Variants in ZNF334 observed in about 807,000 individuals in gnomAD.
The protein encoded by ZNF334 is zinc finger protein 334.
In ZNF334, 14 loss-of-function variants were observed where a neutral mutation model predicts 12.4. The ratio of observed to expected loss-of-function variants is 1.13; its 90% CI spans 0.74 to 1.76. The LOEUF is 1.76. ZNF334 is among the 40% of genes most tolerant of loss of function. The pLI is 0.00. For synonymous variants in ZNF334, 273 were observed against 269.6 expected, an observed-to-expected ratio of 1.01 and a Z score of -0.12; for missense variants, 797 against 804.5, an observed-to-expected ratio of 0.99 and a Z score of 0.11.
At chr20:46,470,665 T>C in the ZNF334 span, among the ~76,000 whole-genome samples, 1 of 152,336 alleles carries the variant, frequency 6.6e-6, no homozygotes, top group Non-Finnish European at 1.5e-5. Context: ...AAACACTCCA[T>C]TTTACGCATC....
At chr20:46,497,394 C>T (rs1304384451), downstream of ZNF334, among the ~76,000 whole-genome samples, 5 of 152,176 alleles carry the variant, frequency 3.3e-5, no homozygotes, top group Non-Finnish European at 7.4e-5. Flanking sequence ...TTCAAATATA[C>T]ATAAAGTCCA....
the ZNF334 span, chr20:46,464,461 G>T: frequency 5.8e-6 from 3 of 519,700 alleles, no homozygotes; most frequent in South Asian, 4.5e-5. Flanking sequence ...CTTTCTCACA[G>T]ACCACCTCCA....
chr20:46,506,386 G>A (rs1468853226), intron 2 of ZNF334: 5 of 545,378 alleles, frequency 9.2e-6, no homozygotes, highest in Non-Finnish European at 9.8e-6. Context: ...AGCACTCTGA[G>A]AGGTTGAGGT....
chr20:46,504,182 T>C, intron 4 of ZNF334, 32 bp downstream of exon 4: 2 of 1,453,072 alleles, frequency 1.4e-6, no homozygotes, highest in Non-Finnish European at 1.9e-6. Context: ...TCATTTCCAT[T>C]GGTTCCACCT....
At chr20:46,486,452 C>T in the ZNF334 span, among the ~76,000 whole-genome samples, 4 of 152,120 alleles carry the variant, frequency 2.6e-5, no homozygotes, top group East Asian at 1.9e-4. Context: ...AAAATATGCA[C>T]GATTTTATAT....
the ZNF334 span, among the ~76,000 whole-genome samples, chr20:46,470,915 A>T: frequency 2.4e-4 from 36 of 152,328 alleles, no homozygotes; most frequent in South Asian, 4.1e-4. Flanking sequence ...TGCTATGAAC[A>T]TTCTTGTACA....
rs752089466 is a variant in ZNF334, at chr20:46,512,683, C to A, written c.-182G>T. 6.6e-6 allele frequency: 1 copy of A among 152,258 alleles called. No individual in the cohort carries two copies. The highest frequency in any genetic ancestry group is 1.5e-5 in the Non-Finnish European group (1 of 68,094). The allele number at this position is 152,258 out of a possible 1,614,324, so 9.4% of individuals were successfully genotyped here. ...AAGAGGACCTTTTACTAAGAAACTT[C>A]TTGTGGTAGGTAACGTAAATGTGGT... On this transcript the variant is annotated 5_prime_UTR_variant, in exon 1 of 5. Transcript: ENST00000692313.
downstream of ZNF334, among the ~76,000 whole-genome samples, chr20:46,495,349 T>C (rs2145920331): frequency 6.6e-6 from 1 of 150,962 alleles, no homozygotes; most frequent in Admixed American, 6.7e-5. Flanking sequence ...CAAGATCAAA[T>C]CATACTAGAT....
At chr20:46,506,426 G>A (rs1026315391) in intron 2 of ZNF334, 6 of 478,252 alleles carry the variant, frequency 1.3e-5, no homozygotes, top group Non-Finnish European at 2.2e-5. Context: ...AGAAGCTCAA[G>A]ATCAGTCTGG....
At chr20:46,506,198 C>T (rs1836650891) in intron 2 of ZNF334, 3 of 411,386 alleles carry the variant, frequency 7.3e-6, no homozygotes, top group South Asian at 1.8e-4. Flanking sequence ...AGGAGAGATA[C>T]CACAGTGATC....
rs544230152 is a variant in ZNF334, at chr20:46,512,203, T to C, written c.-38-63A>G. 24 of 1,273,898 alleles carry C rather than the reference T, an allele frequency of 1.9e-5. No homozygotes were observed. In the African/African-American group the frequency reaches 3.1e-4, roughly 16 times the overall value. The allele number at this position is 1,273,898 out of a possible 1,614,324, so 78.9% of individuals were successfully genotyped here. On this transcript the variant is annotated intron_variant, in intron 1 of 4. Transcript: ENST00000692313. ...TTTGGCTCACACAGCAGCTCTACAA[T>C]TACCTACAAAGCCACACACCCATTT...
intron 1 of ZNF334, 61 bp from the exon 2 acceptor site, chr20:46,512,201 A>C (rs2061676773): frequency 7.9e-7 from 1 of 1,273,478 alleles, no homozygotes; most frequent in Non-Finnish European, 1.1e-6. Flanking sequence ...GCAGCTCTAC[A>C]ATTACCTACA....
the ZNF334 span, chr20:46,465,002 G>A: frequency 1.7e-5 from 7 of 400,820 alleles, no homozygotes; most frequent in South Asian, 1.1e-4. Flanking sequence ...CATAAACACA[G>A]TACCGTCGCT....
the ZNF334 span, chr20:46,465,386 T>C: frequency 6.4e-6 from 1 of 155,102 alleles, no homozygotes; most frequent in African/African-American, 2.4e-5. Context: ...GATGATGATA[T>C]GATAATAATA....
the ZNF334 span, among the ~76,000 whole-genome samples, chr20:46,477,656 G>C: frequency 6.6e-6 from 1 of 152,224 alleles, no homozygotes; most frequent in Non-Finnish European, 1.5e-5. Context: ...GTCTTTTAGA[G>C]TTAGATGGAT....
chr20:46,484,787 C>T, the ZNF334 span, among the ~76,000 whole-genome samples: 4 of 152,180 alleles, frequency 2.6e-5, no homozygotes, highest in Non-Finnish European at 4.4e-5. Flanking sequence ...TCCTCAAAAT[C>T]ATCACACCAT....
the ZNF334 span, among the ~76,000 whole-genome samples, chr20:46,488,457 A>T: frequency 6.8e-6 from 1 of 146,094 alleles, no homozygotes; most frequent in Non-Finnish European, 1.5e-5. Context: ...ACCATAATTT[A>T]TCTCCACCTG....
chr20:46,510,342 A>G (rs544854832), intron 2 of ZNF334, among the ~76,000 whole-genome samples: 1 of 151,946 alleles, frequency 6.6e-6, no homozygotes, highest in South Asian at 2.1e-4. Context: ...AGGAGATGGA[A>G]GTGAAAGGAC....
At chr20:46,468,329 G>A in the ZNF334 span, among the ~76,000 whole-genome samples, 2 of 151,606 alleles carry the variant, frequency 1.3e-5, no homozygotes, top group Admixed American at 1.3e-4. Context: ...AGGCTGGAGT[G>A]CAATGGTGCA....
Sources: gnomAD v4.1 joint callset for allele counts (sites outside exome capture counted in the v4.1 genomes callset) on GRCh38, gnomAD v4.1.1 for gene constraint, MANE v1.5 for transcripts, NCBI Gene and HGNC (gene_info 2026-07-23, HGNC 2026-07-21) for gene names.